DISP3: variants seen among roughly 807,000 people sequenced by gnomAD.
DISP3 encodes the protein dispatched RND transporter family member 3.
A neutral mutation model predicts 135.3 loss-of-function variants in DISP3; 101 were observed. The ratio of observed to expected loss-of-function variants is 0.75; its 90% confidence interval spans 0.64 to 0.88. The LOEUF is 0.88. Among genes scored for constraint, DISP3 ranks in the 40% least tolerant of loss-of-function variants. DISP3 has a pLI of 0.00. For synonymous variants in DISP3, 856 were observed against 817.0 expected, an observed-to-expected ratio of 1.05 and a Z score of -0.81; for missense variants, 1,713 against 1,878.6, an observed-to-expected ratio of 0.91 and a Z score of 1.63.
Position 11,525,302 on chromosome 1 carries a change from C to T in DISP3, c.2603C>T (p.Pro868Leu). The T allele has an allele frequency of 3.1e-6, 5 of 1,613,530 alleles. No individual in the cohort carries two copies. The highest frequency in any genetic ancestry group is 4.2e-6 in the Non-Finnish European group (5 of 1,179,690). Residue 868 changes from proline to leucine, a missense_variant, in exon 12 of 21, where the codon CCC becomes CTC. By Grantham distance (98) the Pro-to-Leu change is moderately conservative. This residue lies in a region of DISP3 where 1,142 missense variants were observed against 1,384.6 expected (regional missense o/e 0.82). Transcript: ENST00000294484. ...GTGTCGCCTGGGGATGGAGAGGTGC[C>T]CTCCTTCCAGGTGAGCCTGGGCTGT... ...QAVSPGDGEVPSFQVYRAPFG... is the reference protein window; with the variant it reads ...QAVSPGDGEVLSFQVYRAPFG...
In DISP3 at chr1:11,536,776, C is replaced by T. The variant is rs1642716756; in HGVS notation, c.*90C>T. The T allele has an allele frequency of 2.1e-6, 3 of 1,430,564 alleles. No individual in the cohort carries two copies. The highest frequency in any genetic ancestry group is 1.8e-6 in the Non-Finnish European group (2 of 1,093,044). 88.6% of individuals were successfully genotyped at this position (1,430,564 alleles called of 1,614,324 possible). Reference sequence around the variant, plus strand: ...AGCTCGACTTCAGCTAGCTGTGTCCCCAGGCCTGGGCCCAGGGCGCCCTGC... The same window carrying T: ...AGCTCGACTTCAGCTAGCTGTGTCCTCAGGCCTGGGCCCAGGGCGCCCTGC... On this transcript the variant is annotated 3_prime_UTR_variant, in exon 21 of 21. Coordinates refer to ENST00000294484, the MANE Select transcript of DISP3 (RefSeq NM_020780.2). This position sits in a 1 kb window ranked among gnomAD's most constrained non-coding sequence, Gnocchi z 4.3.
chr1:11,534,896 C>G, intron 18 of DISP3, 115 bp from the exon 19 acceptor site: 1 of 979,178 alleles, frequency 1.0e-6, no homozygotes, highest in Non-Finnish European at 1.6e-6. Context: ...CTGTTATGAC[C>G]CCATTTTACA....
intron 3 of DISP3, among the ~76,000 whole-genome samples, chr1:11,508,187 T>G (rs1158312430): frequency 6.6e-6 from 1 of 152,148 alleles, no homozygotes; most frequent in East Asian, 1.9e-4. Context: ...CTTGGAAGGC[T>G]GAGGCAGGAG....
At position 11,514,496 on chromosome 1, in the gene DISP3, G is replaced by A. The variant is rs747603999; in HGVS notation, c.1423G>A (p.Ala475Thr). Reference sequence around the variant, plus strand: ...CTTCATCAGCAGCAGCTGCATTGCTGCCCTGGTCTACATCCTCACCTCCTG... The same window carrying A: ...CTTCATCAGCAGCAGCTGCATTGCTACCCTGGTCTACATCCTCACCTCCTG... Reference protein sequence around the residue: ...LAFISSSCIAALVYILTSCSV... With the variant: ...LAFISSSCIATLVYILTSCSV... Residue 475 changes from alanine (A) to threonine (T), a missense_variant, in exon 4 of 21, where the codon GCC becomes ACC. Ala to Thr is a moderately conservative substitution (Grantham distance 58). Transcript: ENST00000294484. 6.8e-6 allele frequency: 11 copies of A among 1,613,988 alleles called. No individual in the cohort carries two copies. Among genetic ancestry groups the A allele is most frequent in the Non-Finnish European group, 9.3e-6 (11 of 1,180,010 alleles).
At chr1:11,528,997 C>T (rs1642503509) in intron 13 of DISP3, among the ~76,000 whole-genome samples, 1 of 152,210 alleles carries the variant, frequency 6.6e-6, no homozygotes, top group East Asian at 1.9e-4. Context: ...GCTGGGCTCA[C>T]TCTGCACAGA....
rs1343795616 is a variant in DISP3 at position 11,500,571 on chromosome 1, CT to C, written c.-3-418del. Among the ~76,000 whole-genome samples the C allele has an allele frequency of 2.6e-5, 4 of 152,310 alleles. No homozygotes were observed. In the East Asian group the frequency reaches 7.7e-4, roughly 29 times the overall value. The stretch of plus-strand genomic sequence containing the variant: ...GATACTTCCTAGAAGTACTTTACAG[CT>C]GCTCATTAAATGAGAGTGGTTGCAG... On this transcript the variant is annotated intron_variant, in intron 1 of 20. Coordinates refer to ENST00000294484, the MANE Select transcript of DISP3 (RefSeq NM_020780.2).
At chr1:11,528,520 G>A (rs1015382940) in intron 13 of DISP3, among the ~76,000 whole-genome samples, 3 of 152,160 alleles carry the variant, frequency 2.0e-5, no homozygotes, top group Non-Finnish European at 2.9e-5. Context: ...TCCTGCCCTC[G>A]AGCTGTCTAG....
Position 11,531,805 on chromosome 1 carries a change from T to A in DISP3, c.3375+95T>A. 6.8e-7 allele frequency: 1 copy of A among 1,478,618 alleles called. No individual in the cohort carries two copies. The allele number at this position is 1,478,618 out of a possible 1,614,324, so 91.6% of individuals were successfully genotyped here. A position where few individuals can be genotyped will look rare whatever the true frequency, so the allele number is the denominator to read the frequency against. On this transcript the variant is annotated intron_variant, in intron 17 of 20. Transcript: ENST00000294484. The surrounding 1 kb of genome is among the most constrained non-coding windows in gnomAD (Gnocchi z 5.2). ...CCCTCTTCCCAGATCGGGGGGGAGATGCTGAGGCCCAGAGAGGTGGAGTGA... is the reference window on the plus strand; with the variant it reads ...CCCTCTTCCCAGATCGGGGGGGAGAAGCTGAGGCCCAGAGAGGTGGAGTGA...
chr1:11,493,523 A>G (rs1172709212), intron 1 of DISP3, among the ~76,000 whole-genome samples: 1 of 152,164 alleles, frequency 6.6e-6, no homozygotes, highest in African/African-American at 2.4e-5. Flanking sequence ...TAGGAGTTCA[A>G]GACCAGCCTG....
At position 11,531,801 on chromosome 1, in the gene DISP3, G is replaced by T; in HGVS notation, c.3375+91G>T. 1.0e-5 allele frequency: 15 copies of T among 1,483,792 alleles called. No homozygotes were observed. The highest frequency in any genetic ancestry group is 5.5e-5 in the South Asian group (4 of 73,250). The allele number at this position is 1,483,792 out of a possible 1,614,324, so 91.9% of individuals were successfully genotyped here. A position where few individuals can be genotyped will look rare whatever the true frequency, so the allele number is the denominator to read the frequency against. On this transcript the variant is annotated intron_variant, in intron 17 of 20. Transcript: ENST00000294484. This position sits in a 1 kb window ranked among gnomAD's most constrained non-coding sequence, Gnocchi z 5.2. ...CCAGCCCTCTTCCCAGATCGGGGGG[G>T]AGATGCTGAGGCCCAGAGAGGTGGA...
chr1:11,533,253 CTT>C (rs70983563), intron 17 of DISP3, among the ~76,000 whole-genome samples: 29 of 103,962 alleles, frequency 2.8e-4, no homozygotes, highest in East Asian at 6.1e-4. Context: ...GTGACTGTTT[CTT>C]TTTTTTTTTT....
Position 11,536,368 on chromosome 1 carries a change from G to C in DISP3, c.3861G>C (p.Arg1287=). The C allele has an allele frequency of 6.2e-7, 1 of 1,607,886 alleles. No homozygotes were observed. The highest frequency in any genetic ancestry group is 8.5e-7 in the Non-Finnish European group (1 of 1,179,904). The part of the protein sequence containing the change: ...QRQWRTLEAV[R]HVGVAIVSSA... Reference sequence around the variant, plus strand: ...AGTGGCGTACGCTGGAGGCCGTGCGGCACGTGGGCGTGGCCATCGTCTCCA... The same window carrying C: ...AGTGGCGTACGCTGGAGGCCGTGCGCCACGTGGGCGTGGCCATCGTCTCCA... Residue 1287 remains arginine (R), a synonymous_variant, in exon 21 of 21, where the codon CGG becomes CGC. Transcript: ENST00000294484. The surrounding 1 kb of genome is among the most constrained non-coding windows in gnomAD (Gnocchi z 4.3).
At chr1:11,532,894 C>CG (rs1326465884) in intron 17 of DISP3, among the ~76,000 whole-genome samples, 4 of 151,972 alleles carry the variant, frequency 2.6e-5, no homozygotes, top group African/African-American at 7.3e-5. Flanking sequence ...TTGGTAGAGA[C>CG]GGGGTTTCAC....
rs377582224 is a variant in DISP3 at position 11,535,129 on chromosome 1, G to T, written c.3649+5G>T. 4.4e-6 allele frequency: 7 copies of T among 1,595,564 alleles called. No homozygotes were observed. Among genetic ancestry groups the T allele is most frequent in the South Asian group, 2.3e-5 (2 of 88,132 alleles). Reference sequence around the variant, plus strand: ...CCGTGCTCCTCAGCATCTTGGGTACGTGGGCGAGGGGCTGGCAGGCACCCT... The same window carrying T: ...CCGTGCTCCTCAGCATCTTGGGTACTTGGGCGAGGGGCTGGCAGGCACCCT... On this transcript the variant is annotated splice_donor_5th_base_variant and intron_variant, in intron 19 of 20. Coordinates refer to ENST00000294484, the MANE Select transcript of DISP3 (RefSeq NM_020780.2).
At chr1:11,523,906 C>A in intron 10 of DISP3, 36 bp from the exon 11 acceptor site, 1 of 1,550,998 alleles carries the variant, frequency 6.4e-7, no homozygotes, top group Non-Finnish European at 8.9e-7. Flanking sequence ...GGATGTCCTG[C>A]TGTCCTGCTG....
At position 11,536,529 on chromosome 1, in the gene DISP3, T is replaced by C. The variant is rs1331570362; in HGVS notation, c.4022T>C (p.Leu1341Pro). The C allele has an allele frequency of 6.2e-7, 1 of 1,613,126 alleles. No individual in the cohort carries two copies. The highest frequency in any genetic ancestry group is 8.5e-7 in the Non-Finnish European group (1 of 1,179,960). ...LYTLTVSTAL[L>P]GIMAPSSFTR... ...ACGCTGACCGTCAGCACCGCCCTGC[T>C]GGGCATCATGGCGCCCAGCTCTTTC... Residue 1341 changes from leucine to proline, a missense_variant, in exon 21 of 21, where the codon CTG becomes CCG. Leu to Pro is a moderately conservative substitution (Grantham distance 98, BLOSUM62 -3). Around this residue, in one of 2 missense-constraint regions of DISP3, gnomAD observed 1,142 missense variants for 1,384.6 expected, o/e 0.82. Coordinates refer to ENST00000294484, the MANE Select transcript of DISP3 (RefSeq NM_020780.2). The surrounding 1 kb of genome is among the most constrained non-coding windows in gnomAD (Gnocchi z 4.3).
chr1:11,510,136 C>T (rs1212745864), intron 3 of DISP3, among the ~76,000 whole-genome samples: 1 of 152,088 alleles, frequency 6.6e-6, no homozygotes, highest in Non-Finnish European at 1.5e-5. Flanking sequence ...GTCTCTGATA[C>T]TTTCTGCCTT....
Position 11,525,045 on chromosome 1 carries a change from A to T in DISP3, c.2477-131A>T, listed in dbSNP as rs1230896059. The T allele has an allele frequency of 2.8e-6, 3 of 1,085,990 alleles. 1 individual carries two copies. The highest frequency in any genetic ancestry group is 4.0e-6 in the Non-Finnish European group (3 of 757,364). The allele number at this position is 1,085,990 out of a possible 1,614,324, so 67.3% of individuals were successfully genotyped here. On this transcript the variant is annotated intron_variant, in intron 11 of 20. Transcript: ENST00000294484. ...TGGTCCAGTAGAGAGGGGCACAGCCAGCATTTTGAGATGAGCCCAAGGCCA... is the reference window on the plus strand; with the variant it reads ...TGGTCCAGTAGAGAGGGGCACAGCCTGCATTTTGAGATGAGCCCAAGGCCA...
In DISP3 at chr1:11,501,477, G is replaced by T. The variant is rs1641515164; in HGVS notation, c.485G>T (p.Gly162Val). The T allele has an allele frequency of 9.3e-6, 15 of 1,604,932 alleles. No homozygotes were observed. In the East Asian group the frequency reaches 3.4e-4, roughly 36 times the overall value. Reference protein sequence around the residue: ...ISEQLQQLHLGNRSRQASRAP... With the variant: ...ISEQLQQLHLVNRSRQASRAP... ...GAGCAGCTGCAGCAGCTGCATCTCG[G>T]CAACCGCTCGCGGCAAGCCTCCCGA... is the stretch of plus-strand genomic sequence containing the variant. The change falls in exon 2 of 21, where the codon GGC becomes GTC. Residue 162 changes from glycine (G) to valine (V), a missense_variant. Gly to Val is a moderately radical substitution (Grantham distance 109). Around this residue, in one of 2 missense-constraint regions of DISP3, gnomAD observed 571 missense variants for 494.1 expected, o/e 1.16. Transcript: ENST00000294484. This position sits in a 1 kb window ranked among gnomAD's most constrained non-coding sequence, Gnocchi z 4.9.
Sources: allele counts gnomAD v4.1 joint callset (sites outside exome capture counted in the v4.1 genomes callset), GRCh38; gene constraint gnomAD v4.1.1; regional missense constraint gnomAD v4.1.1; non-coding constraint Gnocchi (gnomAD v3.1); transcripts MANE v1.5; gene names NCBI Gene and HGNC (gene_info 2026-07-23, HGNC 2026-07-21).